Variants in LMBRD1 observed in about 807,000 individuals in gnomAD.
The protein encoded by LMBRD1 is lysosomal cobalamin transport escort protein LMBD1.
Under a neutral mutation model 74.8 loss-of-function variants are expected in LMBRD1, and 64 were observed. The ratio of observed to expected loss-of-function variants is 0.86; its 90% CI spans 0.70 to 1.05. The LOEUF (loss-of-function observed/expected upper bound fraction) is 1.05. LMBRD1 is among the 50% of genes least tolerant of loss of function. LMBRD1 has a pLI of 0.00. For missense variants in LMBRD1, 652 were observed against 645.9 expected (o/e 1.01, Z -0.10); for synonymous variants, 204 against 216.3 (o/e 0.94, Z 0.50).
chr6:69,677,048 C>G (rs937549723), intron 14 of LMBRD1, among the ~76,000 whole-genome samples: 2 of 152,064 alleles, frequency 1.3e-5, no homozygotes, highest in Non-Finnish European at 2.9e-5. Flanking sequence ...AAGAGAAAAG[C>G]ATAACAAATT....
At chr6:69,773,300 A>G (rs12173563) in intron 3 of LMBRD1, among the ~76,000 whole-genome samples, 55,913 of 151,974 alleles carry the variant, frequency 0.37, 10,782 homozygotes, top group East Asian at 0.54. Flanking sequence ...GCCCTTACCA[A>G]ATGCCAGTTC....
chr6:69,724,348 TA>T (rs60541159), intron 7 of LMBRD1, among the ~76,000 whole-genome samples: 46,057 of 121,774 alleles, frequency 0.38, 8,315 homozygotes, highest in Admixed American at 0.46. Context: ...AAGACACATT[TA>T]AAAAAAAAAA....
intron 14 of LMBRD1, among the ~76,000 whole-genome samples, chr6:69,686,331 A>G (rs549608356): frequency 3.0e-4 from 44 of 148,816 alleles, no homozygotes; most frequent in Admixed American, 2.2e-3. Context: ...CCTAACCTAC[A>G]TACCACATCA....
At chr6:69,712,195 T>C (rs1050370905) in intron 9 of LMBRD1, among the ~76,000 whole-genome samples, 2 of 152,176 alleles carry the variant, frequency 1.3e-5, no homozygotes, top group South Asian at 2.1e-4. Context: ...AGATATACAA[T>C]GAGCATATTT....
chr6:69,786,761 G>A (rs947925686), intron 2 of LMBRD1, among the ~76,000 whole-genome samples: 2 of 152,076 alleles, frequency 1.3e-5, no homozygotes, highest in African/African-American at 4.8e-5. Flanking sequence ...AGCTAGAAGG[G>A]TAACTAAAAC....
rs948073130 is a variant in LMBRD1 at position 69,780,541 on chromosome 6, G to A, written c.260C>T (p.Ala87Val). The change falls in exon 3 of 16, where the codon GCT becomes GTT. Residue 87 changes from alanine (A) to valine (V), a missense_variant. Coordinates refer to ENST00000649934, the MANE Select transcript of LMBRD1 (RefSeq NM_018368.4). ...GTCCTCAATCTGTCTGCTGACATTA[G>A]CATTAGCCCAGTCCTAGGATAAAAG... ...QNGTFKDWAN[A>V]NVSRQIEDTV... 19 of 1,606,424 alleles carry A rather than the reference G, an allele frequency of 1.2e-5. No individual in the cohort carries two copies. The highest frequency in any genetic ancestry group is 1.5e-5 in the Non-Finnish European group (18 of 1,173,418).
At chr6:69,763,472 T>C (rs1039248412) in intron 3 of LMBRD1, among the ~76,000 whole-genome samples, 2 of 152,156 alleles carry the variant, frequency 1.3e-5, no homozygotes, top group Non-Finnish European at 2.9e-5. Context: ...TGAAGGAAGG[T>C]TGATAGGCTT....
rs767318950 is a variant in LMBRD1, at chr6:69,700,889, T to C, written c.1084-20A>G. 7.6e-7 allele frequency: 1 copy of C among 1,316,948 alleles called. No homozygotes were observed. The highest frequency in any genetic ancestry group is 1.0e-6 in the Non-Finnish European group (1 of 955,890). 81.6% of individuals were successfully genotyped at this position (1,316,948 alleles called of 1,614,324 possible). On this transcript the variant is annotated intron_variant, in intron 11 of 15. Coordinates refer to ENST00000649934, the MANE Select transcript of LMBRD1 (RefSeq NM_018368.4). ...GAAAACCTGAAAAAAAAAGATGAAA[T>C]TAAATTTAACATATAAACTATAAGC...
chr6:69,794,984 G>A (rs1719633131), intron 1 of LMBRD1, among the ~76,000 whole-genome samples: 1 of 152,188 alleles, frequency 6.6e-6, no homozygotes, highest in African/African-American at 2.4e-5. Flanking sequence ...TCTTCCACTT[G>A]TTGAGCTTTG....
chr6:69,713,904 T>A (rs1339679274), intron 8 of LMBRD1, 107 bp from the exon 9 acceptor site: 2 of 1,175,936 alleles, frequency 1.7e-6, no homozygotes, highest in African/African-American at 3.1e-5. Context: ...GGACACTCTT[T>A]AGGCAAATTT....
chr6:69,676,097 A>T lies in LMBRD1; in HGVS notation c.*61T>A. On this transcript the variant is annotated 3_prime_UTR_variant, in exon 16 of 16. Transcript: ENST00000649934. ...TAGCAAATCCTAATGTTAGTTTAAT[A>T]CTTTAAAAATGCATAACAGATATTC... is the stretch of plus-strand genomic sequence containing the variant. The T allele has an allele frequency of 7.5e-7, 1 of 1,339,702 alleles. No individual in the cohort carries two copies. Among genetic ancestry groups the T allele is most frequent in the Middle Eastern group, 1.8e-4 (1 of 5,518 alleles). 83.0% of individuals were successfully genotyped at this position (1,339,702 alleles called of 1,614,324 possible).
At chr6:69,698,953 T>C in intron 13 of LMBRD1, 90 bp downstream of exon 13, 1 of 863,304 alleles carries the variant, frequency 1.2e-6, no homozygotes, top group Non-Finnish European at 1.9e-6. Flanking sequence ...TGAGCTAATA[T>C]CTTATGCTAA....
Position 69,775,031 on chromosome 6 carries a change from G to A in LMBRD1, c.307+5463C>T, listed in dbSNP as rs991570119. Among the ~76,000 whole-genome samples the A allele has an allele frequency of 7.2e-5, 9 of 125,172 alleles. 2 individuals carry two copies. The highest frequency in any genetic ancestry group is 1.7e-4 in the African/African-American group (6 of 34,696). 82.1% of individuals were successfully genotyped at this position (125,172 alleles called of 152,430 possible). A position where few individuals can be genotyped will look rare whatever the true frequency, so the allele number is the denominator to read the frequency against. ...GGAGGGAGGGAGGGAGGGAGGGAGGGAGGGAAGGAAGGAAAAGATGAAGAA... is the reference window on the plus strand; with the variant it reads ...GGAGGGAGGGAGGGAGGGAGGGAGGAAGGGAAGGAAGGAAAAGATGAAGAA... On this transcript the variant is annotated intron_variant, in intron 3 of 15. Transcript: ENST00000649934.
rs768709895 is a variant in LMBRD1, at chr6:69,697,642, C to A, written c.1339-1G>T. 56 of 1,548,720 alleles carry A rather than the reference C, an allele frequency of 3.6e-5. No homozygotes were observed. The highest frequency in any genetic ancestry group is 4.9e-5 in the Non-Finnish European group (55 of 1,122,918). On this transcript the variant is annotated splice_acceptor_variant, in intron 13 of 15. Transcript: ENST00000649934. LOFTEE classifies it high-confidence loss of function. ...TATGATTATCAGAAGTTATATTAGT[C>A]TGAAAGATAAAAATACAGTTAAAAT...
intron 7 of LMBRD1, among the ~76,000 whole-genome samples, chr6:69,731,344 T>G (rs914420553): frequency 3.3e-5 from 5 of 152,086 alleles, no homozygotes; most frequent in Admixed American, 2.0e-4. Context: ...AGATAAATGT[T>G]TAAGGTGATG....
At chr6:69,707,704 A>G (rs1766290770) in intron 9 of LMBRD1, among the ~76,000 whole-genome samples, 1 of 152,130 alleles carries the variant, frequency 6.6e-6, no homozygotes, top group Admixed American at 6.6e-5. Context: ...TTATGGACAT[A>G]TTTAGTCTCA....
intron 14 of LMBRD1, among the ~76,000 whole-genome samples, 195 bp downstream of exon 14, chr6:69,697,368 A>C (rs1423974172): frequency 6.6e-6 from 1 of 152,118 alleles, no homozygotes. Context: ...TTCCTAAGTA[A>C]TTTTAATGGT....
At chr6:69,740,831 G>A (rs1182333560) in intron 6 of LMBRD1, among the ~76,000 whole-genome samples, 1 of 152,110 alleles carries the variant, frequency 6.6e-6, no homozygotes, top group Non-Finnish European at 1.5e-5. Flanking sequence ...GGAATTTTGA[G>A]TAATATGATA....
chr6:69,796,048 G>C (rs548572870), intron 1 of LMBRD1, among the ~76,000 whole-genome samples: 2 of 152,258 alleles, frequency 1.3e-5, no homozygotes, highest in East Asian at 3.9e-4. Flanking sequence ...TAAACCAAAG[G>C]GTTTTAATAT....
Sources: allele counts gnomAD v4.1 joint callset (sites outside exome capture counted in the v4.1 genomes callset), GRCh38; gene constraint gnomAD v4.1.1; transcripts MANE v1.5; gene names NCBI Gene and HGNC (gene_info 2026-07-23, HGNC 2026-07-21).